KDM2B: variants seen among roughly 807,000 people sequenced by gnomAD.
KDM2B encodes lysine demethylase 2B.
Under a neutral mutation model 150.0 loss-of-function variants are expected in KDM2B, and 26 were observed. That is an observed-to-expected ratio of 0.17 (90% confidence interval 0.13 to 0.24). KDM2B has a LOEUF of 0.24. KDM2B is among the 10% of genes least tolerant of loss of function. KDM2B has a pLI of 1.00. For synonymous variants in KDM2B, 734 were observed against 729.5 expected (o/e 1.01, Z -0.10); for missense variants, 1,265 against 1,816.9 (o/e 0.70, Z 5.52).
the KDM2B span, among the ~76,000 whole-genome samples, chr12:121,413,738 A>C: frequency 1.3e-5 from 2 of 151,652 alleles, no homozygotes; most frequent in Non-Finnish European, 2.9e-5. Context: ...CAGCATGCCC[A>C]GCTAATTTTT....
In KDM2B at chr12:121,533,529, A is replaced by G. The variant is rs2141539384; in HGVS notation, c.778-570T>C. On this transcript the variant is annotated intron_variant, in intron 7 of 22. Transcript: ENST00000377071. The surrounding 1 kb of genome is among the most constrained non-coding windows in gnomAD (Gnocchi z 4.1). ...CCCCACGTGGACACGCAACAAAAGC[A>G]GACACAGGGAGCACCCTTAGCATTC... is the stretch of plus-strand genomic sequence containing the variant. Among the ~76,000 whole-genome samples, 1 of 152,350 alleles carries G rather than the reference A, an allele frequency of 6.6e-6. No homozygotes were observed. The highest frequency in any genetic ancestry group is 2.4e-5 in the African/African-American group (1 of 41,580).
At position 121,574,605 on chromosome 12, in the gene KDM2B, G is replaced by A. The variant is rs781802192; in HGVS notation, c.351-12C>T. 1.9e-5 allele frequency: 31 copies of A among 1,613,800 alleles called. No individual in the cohort carries two copies. Among genetic ancestry groups the A allele is most frequent in the Middle Eastern group, 3.3e-4 (2 of 6,080 alleles). ...CAGGGTCAGGCATCCTGGGGAAAGA[G>A]GAGCACAGACCTTTGGTGAGAGGCC... On this transcript the variant is annotated splice_polypyrimidine_tract_variant and intron_variant, in intron 3 of 22. Coordinates refer to ENST00000377071, the MANE Select transcript of KDM2B (RefSeq NM_032590.5).
chr12:121,419,255 C>T, the KDM2B span, among the ~76,000 whole-genome samples: 1 of 152,328 alleles, frequency 6.6e-6, no homozygotes, highest in Admixed American at 6.5e-5. Context: ...TGATGTACGG[C>T]TTCGTAGCCG....
the KDM2B span, chr12:121,418,199 G>T: frequency 2.8e-6 from 1 of 360,562 alleles, no homozygotes; most frequent in African/African-American, 2.1e-5. Context: ...AACTGTTGAA[G>T]AAATGGCTGT....
chr12:121,487,446 C>G (rs1882886315), intron 12 of KDM2B, among the ~76,000 whole-genome samples: 1 of 152,178 alleles, frequency 6.6e-6, no homozygotes, highest in South Asian at 2.1e-4. Flanking sequence ...CACCAACCCT[C>G]CAAGGATCAA....
intron 8 of KDM2B, among the ~76,000 whole-genome samples, chr12:121,522,710 T>C (rs1886799938): frequency 6.6e-6 from 1 of 151,490 alleles, no homozygotes; most frequent in Non-Finnish European, 1.5e-5. Flanking sequence ...TAGCCAGGCT[T>C]GGTGGCACAT....
chr12:121,476,066 G>A (rs1040310252), intron 12 of KDM2B, among the ~76,000 whole-genome samples: 9 of 151,842 alleles, frequency 5.9e-5, no homozygotes, highest in East Asian at 1.9e-4. Flanking sequence ...AGGCCAAGGC[G>A]GGCAGATCAC....
At position 121,452,700 on chromosome 12, in the gene KDM2B, CG is replaced by C. The variant is rs375140672; in HGVS notation, c.1959+419del. ...TGTGGAGGGGCGGGCCAGGCTCTCC[CG>C]GGCGCGGCTCCTCAGTACCATAAAT... is the stretch of plus-strand genomic sequence containing the variant. On this transcript the variant is annotated intron_variant, in intron 13 of 22. Coordinates refer to ENST00000377071, the MANE Select transcript of KDM2B (RefSeq NM_032590.5). The surrounding 1 kb of genome is among the most constrained non-coding windows in gnomAD (Gnocchi z 4.4). Among the ~76,000 whole-genome samples the C allele has an allele frequency of 1.3e-5, 2 of 151,950 alleles. No individual in the cohort carries two copies. The highest frequency in any genetic ancestry group is 2.4e-5 in the African/African-American group (1 of 41,380).
chr12:121,496,337 C>A (rs1555300987), intron 11 of KDM2B, among the ~76,000 whole-genome samples: 1 of 152,074 alleles, frequency 6.6e-6, no homozygotes, highest in East Asian at 1.9e-4. Context: ...TTTTTCCGGA[C>A]ATTTAAGAAC....
rs1280252669 is a variant in KDM2B at position 121,549,230 on chromosome 12, T to C, written c.576+230A>G. Among the ~76,000 whole-genome samples, 1 of 151,998 alleles carries C rather than the reference T, an allele frequency of 6.6e-6. No homozygotes were observed. Among genetic ancestry groups the C allele is most frequent in the Non-Finnish European group, 1.5e-5 (1 of 67,976 alleles). ...CTCTAATCTAAGTGCTTTGGGAGGC[T>C]AAGGTGAGAGGGTCACTTGAACCCA... On this transcript the variant is annotated intron_variant, in intron 5 of 22. Coordinates refer to ENST00000377071, the MANE Select transcript of KDM2B (RefSeq NM_032590.5). The surrounding 1 kb of genome is among the most constrained non-coding windows in gnomAD (Gnocchi z 4.4).
At chr12:121,534,699 C>G (rs1887949637) in intron 6 of KDM2B, 109 bp from the exon 7 acceptor site, 1 of 750,034 alleles carries the variant, frequency 1.3e-6, no homozygotes, top group Non-Finnish European at 2.2e-6. Flanking sequence ...AACGCTGACG[C>G]TGGGGAATTT....
At chr12:121,474,915 C>T (rs1881181753) in intron 12 of KDM2B, among the ~76,000 whole-genome samples, 1 of 152,130 alleles carries the variant, frequency 6.6e-6, no homozygotes, top group Non-Finnish European at 1.5e-5. Flanking sequence ...TCATGCCACT[C>T]ACTGCTCTCC....
rs782167631 is a variant in KDM2B at position 121,442,304 on chromosome 12, G to C, written c.3137C>G (p.Pro1046Arg). The change falls in exon 19 of 23, where the codon CCC becomes CGC. Residue 1046 changes from proline (P) to arginine (R), a missense_variant. Pro to Arg is a moderately radical substitution (Grantham distance 103). Transcript: ENST00000377071. This position sits in a 1 kb window ranked among gnomAD's most constrained non-coding sequence, Gnocchi z 7.7. ...CGAGTCAGGCGGGGGGCTGATGGGG[G>C]GTGGCCGGATCACATGGCGCTCCAT... ...IQMERHVIRPPPISPPPDSLP... is the reference protein window; with the variant it reads ...IQMERHVIRPRPISPPPDSLP... The C allele has an allele frequency of 1.9e-6, 3 of 1,610,406 alleles. No individual in the cohort carries two copies. The highest frequency in any genetic ancestry group is 1.3e-5 in the African/African-American group (1 of 75,002).
chr12:121,527,928 G>T (rs913692177), intron 8 of KDM2B, among the ~76,000 whole-genome samples: 1 of 152,236 alleles, frequency 6.6e-6, no homozygotes, highest in Non-Finnish European at 1.5e-5. Flanking sequence ...GCCAGGTTGA[G>T]TTGGAGGAAA....
rs990896808 is a variant in KDM2B at position 121,444,657 on chromosome 12, C to G, written c.2104-121G>C. ...ACCCCCTCCCCAACGTCACATCTAT[C>G]CCGTTTCCAGGCAAAAGAAAACACA... On this transcript the variant is annotated intron_variant, in intron 14 of 22. Transcript: ENST00000377071. 4.0e-5 allele frequency: 32 copies of G among 792,212 alleles called. No individual in the cohort carries two copies. The African/African-American group carries it at 4.9e-4, about 12-fold the overall frequency. 49.1% of individuals were successfully genotyped at this position (792,212 alleles called of 1,614,324 possible).
the KDM2B span, among the ~76,000 whole-genome samples, chr12:121,412,228 A>ATTTTTT: frequency 8.0e-6 from 1 of 124,950 alleles, no homozygotes; most frequent in African/African-American, 3.4e-5. Context: ...TGCCCAACTA[A>ATTTTTT]TCTTTTTTTT....
intron 12 of KDM2B, among the ~76,000 whole-genome samples, chr12:121,480,540 G>A (rs1555297639): frequency 7.9e-6 from 1 of 126,964 alleles, no homozygotes; most frequent in Middle Eastern, 5.3e-3. Context: ...GAGCTCTGGA[G>A]TTCAAGACCA....
chr12:121,571,858 G>A (rs138021077), intron 4 of KDM2B, among the ~76,000 whole-genome samples: 2,230 of 151,732 alleles, frequency 0.015, 36 homozygotes, highest in Non-Finnish European at 0.02. Context: ...TCACCATGTT[G>A]GCCAGGCTGG....
chr12:121,474,406 C>A (rs1168953552), intron 12 of KDM2B, among the ~76,000 whole-genome samples: 1 of 152,126 alleles, frequency 6.6e-6, no homozygotes, highest in Non-Finnish European at 1.5e-5. Flanking sequence ...GTCCCAGCTA[C>A]TCAGGAGGCT....
Sources: gnomAD v4.1 joint callset for allele counts (sites outside exome capture counted in the v4.1 genomes callset) on GRCh38, gnomAD v4.1.1 for gene constraint, Gnocchi (gnomAD v3.1) non-coding constraint, MANE v1.5 for transcripts, NCBI Gene and HGNC (gene_info 2026-07-23, HGNC 2026-07-21) for gene names.